Variants in SLC25A26 observed in about 807,000 individuals in gnomAD.
The protein encoded by SLC25A26 is solute carrier family 25 member 26.
In SLC25A26, 36 loss-of-function variants were observed where a neutral mutation model predicts 37.8. The observed-to-expected ratio is 0.95, with a 90% CI of 0.73 to 1.26. The LOEUF (loss-of-function observed/expected upper bound fraction) is 1.26. Among genes scored for constraint, SLC25A26 ranks in the 50% most tolerant of loss-of-function variants. The pLI is 0.00. For missense variants in SLC25A26, 390 were observed against 331.1 expected (o/e 1.18, Z -1.38); for synonymous variants, 129 against 122.5 (o/e 1.05, Z -0.35).
chr3:66,353,984 A>G (rs1008241013), intron 6 of SLC25A26, among the ~76,000 whole-genome samples: 1 of 152,254 alleles, frequency 6.6e-6, no homozygotes, highest in African/African-American at 2.4e-5. Flanking sequence ...AGTTGAATGC[A>G]AAGTTGGATA....
rs142261387 is a variant in SLC25A26, at chr3:66,272,982, A to G, written c.453+9603A>G. On this transcript the variant is annotated intron_variant, in intron 5 of 9. Transcript: ENST00000354883. The stretch of plus-strand genomic sequence containing the variant: ...GATAAGTCCCATCAATACCTAATTT[A>G]TTGAGAGTTTTTAGCATGAAGGGTT... 2.5e-3 allele frequency among the ~76,000 whole-genome samples: 383 copies of G among 152,220 alleles called. 2 individuals are homozygous for G. Among genetic ancestry groups the G allele is most frequent in the African/African-American group, 9.0e-3 (376 of 41,548 alleles).
chr3:66,264,933 C>G (rs1159355015), intron 5 of SLC25A26, among the ~76,000 whole-genome samples: 1 of 152,182 alleles, frequency 6.6e-6, no homozygotes, highest in South Asian at 2.1e-4. Context: ...TTCTGTGATT[C>G]AACACATGGG....
chr3:66,143,030 G>GGT (rs2070059329), intron 1 of SLC25A26, among the ~76,000 whole-genome samples: 1 of 152,090 alleles, frequency 6.6e-6, no homozygotes, highest in South Asian at 2.1e-4. Flanking sequence ...GCCTCCCAAA[G>GGT]TGCTGAGATT....
At chr3:66,221,297 A>AG (rs1258177174) in intron 1 of SLC25A26, 170 bp downstream of exon 1, 6 of 254,982 alleles carry the variant, frequency 2.4e-5, no homozygotes, top group African/African-American at 1.4e-4. Flanking sequence ...CCGGCGGGCC[A>AG]GGTGTTAAGG....
chr3:66,342,357 C>T (rs1166929129), intron 5 of SLC25A26, among the ~76,000 whole-genome samples: 1 of 152,138 alleles, frequency 6.6e-6, no homozygotes, highest in East Asian at 1.9e-4. Context: ...CTAGATCACC[C>T]GTGGTGGCAT....
At chr3:66,157,103 C>A (rs999621161) in intron 1 of SLC25A26, among the ~76,000 whole-genome samples, 1 of 152,016 alleles carries the variant, frequency 6.6e-6, no homozygotes, top group African/African-American at 2.4e-5. Flanking sequence ...AGTGTGGTGG[C>A]ATACAACTGC....
chr3:66,290,373 G>A (rs1177998040), intron 5 of SLC25A26, among the ~76,000 whole-genome samples: 2 of 152,164 alleles, frequency 1.3e-5, no homozygotes, highest in African/African-American at 4.8e-5. Context: ...TGGTGAGAGA[G>A]GGCATCTTTG....
At chr3:66,302,388 G>A (rs2075101363) in intron 5 of SLC25A26, among the ~76,000 whole-genome samples, 1 of 152,186 alleles carries the variant, frequency 6.6e-6, no homozygotes, top group African/African-American at 2.4e-5. Context: ...TTTCTGCATG[G>A]CAGTAATTGT....
intron 5 of SLC25A26, among the ~76,000 whole-genome samples, chr3:66,275,642 A>C (rs1032490375): frequency 2.0e-5 from 3 of 152,092 alleles, no homozygotes; most frequent in African/African-American, 7.2e-5. Flanking sequence ...AGAATTATGG[A>C]GTTCTCACTA....
chr3:66,214,600 A>T (rs2071333526), intron 1 of SLC25A26, among the ~76,000 whole-genome samples: 1 of 152,048 alleles, frequency 6.6e-6, no homozygotes, highest in Admixed American at 6.5e-5. Context: ...TAACATGTTC[A>T]TTATCTATTT....
chr3:66,275,017 A>G (rs955890673), intron 5 of SLC25A26, among the ~76,000 whole-genome samples: 3 of 152,110 alleles, frequency 2.0e-5, no homozygotes, highest in Non-Finnish European at 1.5e-5. Context: ...TCCAACAATG[A>G]TAGACTGGAT....
At chr3:66,322,566 T>A (rs967762325) in intron 5 of SLC25A26, among the ~76,000 whole-genome samples, 7 of 152,212 alleles carry the variant, frequency 4.6e-5, no homozygotes, top group African/African-American at 1.7e-4. Flanking sequence ...AACAGACTTT[T>A]AGGACTTTAT....
At position 66,182,938 on chromosome 3, in the gene SLC25A26, G is replaced by A. The variant is rs1252791589; in HGVS notation, c.-353-37804G>A. Among the ~76,000 whole-genome samples, 7 of 152,116 alleles carry A rather than the reference G, an allele frequency of 4.6e-5. No individual in the cohort carries two copies. The East Asian group carries it at 1.3e-3, about 29-fold the overall frequency. On this transcript the variant is annotated intron_variant, in intron 1 of 10. Coordinates refer to the SLC25A26 transcript ENST00000676754. Reference sequence around the variant, plus strand: ...CTTCCTAAGAGCCAGGGTTCTTCAGGTCGGTCTTTCCAAGGACCTAAAGTA... The same window carrying A: ...CTTCCTAAGAGCCAGGGTTCTTCAGATCGGTCTTTCCAAGGACCTAAAGTA...
chr3:66,211,940 C>T (rs1183277342), intron 1 of SLC25A26, among the ~76,000 whole-genome samples: 4 of 152,098 alleles, frequency 2.6e-5, no homozygotes, highest in African/African-American at 9.7e-5. Context: ...TTCATCTTCC[C>T]CAACTGATAC....
intron 5 of SLC25A26, among the ~76,000 whole-genome samples, chr3:66,339,543 A>G (rs577108830): frequency 1.3e-5 from 2 of 151,642 alleles, no homozygotes; most frequent in East Asian, 3.9e-4. Context: ...AGCACTTGTT[A>G]TTTTCTGTTT....
intron 7 of SLC25A26, among the ~76,000 whole-genome samples, chr3:66,364,533 G>A (rs1365531564): frequency 2.0e-5 from 3 of 152,100 alleles, no homozygotes; most frequent in Non-Finnish European, 4.4e-5. Flanking sequence ...CCCAACTCAG[G>A]AATGAGACTT....
intron 1 of SLC25A26, among the ~76,000 whole-genome samples, chr3:66,226,781 T>C (rs926967705): frequency 1.1e-4 from 13 of 115,236 alleles, no homozygotes; most frequent in Non-Finnish European, 2.8e-4. Context: ...TTACAGTTTT[T>C]AGAAAATTTT....
chr3:66,369,517 C>T lies in SLC25A26; in HGVS notation c.608C>T (p.Ala203Val), dbSNP rs1260616084. Residue 203 changes from alanine (A) to valine (V), a missense_variant, in exon 8 of 10, where the codon GCA becomes GTA. Transcript: ENST00000354883. Reference protein sequence around the residue: ...AAAVTTPLDVAKTRITLAKAG... With the variant: ...AAAVTTPLDVVKTRITLAKAG... Reference sequence around the variant, plus strand: ...GCAGTCACCACCCCTCTAGACGTGGCAAAGACAAGAATTACGCTGGCAAAG... The same window carrying T: ...GCAGTCACCACCCCTCTAGACGTGGTAAAGACAAGAATTACGCTGGCAAAG... 1.3e-5 allele frequency: 21 copies of T among 1,603,690 alleles called. No individual in the cohort carries two copies. Among genetic ancestry groups the T allele is most frequent in the Admixed American group, 1.7e-5 (1 of 58,672 alleles).
intron 5 of SLC25A26, among the ~76,000 whole-genome samples, chr3:66,288,239 A>T (rs1239967052): frequency 6.6e-6 from 1 of 152,208 alleles, no homozygotes; most frequent in Non-Finnish European, 1.5e-5. Context: ...TCTCTGAATG[A>T]GTTGAATTCT....
Sources: allele counts gnomAD v4.1 joint callset (sites outside exome capture counted in the v4.1 genomes callset), GRCh38; gene constraint gnomAD v4.1.1; transcripts MANE v1.5; gene names NCBI Gene and HGNC (gene_info 2026-07-23, HGNC 2026-07-21).